Variants in TTC34 observed in about 807,000 individuals in gnomAD.
TTC34 encodes tetratricopeptide repeat domain 34.
Under a neutral mutation model 40.7 loss-of-function variants are expected in TTC34, and 44 were observed. The ratio of observed to expected loss-of-function variants is 1.08; its 90% confidence interval spans 0.85 to 1.39. TTC34 has a LOEUF of 1.39. TTC34 is among the 40% of genes most tolerant of loss of function. The pLI is 0.00. For missense variants in TTC34, 884 were observed against 838.0 expected (o/e 1.05, Z -0.68); for synonymous variants, 422 against 398.6 (o/e 1.06, Z -0.70).
At chr1:2,752,313 C>T (rs1487643373) in intron 6 of TTC34, among the ~76,000 whole-genome samples, 1 of 16,396 alleles carries the variant, frequency 6.1e-5, no homozygotes, top group Non-Finnish European at 1.7e-4. Flanking sequence ...ATCTGACAGC[C>T]TGGAACAGCA....
intron 6 of TTC34, among the ~76,000 whole-genome samples, chr1:2,686,772 AGCATGTG>A: frequency 7.1e-6 from 1 of 139,982 alleles, no homozygotes; most frequent in Middle Eastern, 3.8e-3. Flanking sequence ...CCCCCAGGTG[AGCATGTG>A]ACAGCCTGGA....
At position 2,751,126 on chromosome 1, in the gene TTC34, A is replaced by T. The variant is rs1465731142; in HGVS notation, c.2226+32483T>A. The stretch of plus-strand genomic sequence containing the variant: ...CTGACAGCCTGGAACAGCACCCTGT[A>T]CCCCCAGGGGAGCATCTGACACCCT... On this transcript the variant is annotated intron_variant, in intron 6 of 8. Transcript: ENST00000401095. 3.1e-5 allele frequency among the ~76,000 whole-genome samples: 3 copies of T among 96,814 alleles called. 1 individual carries two copies. Among genetic ancestry groups the T allele is most frequent in the African/African-American group, 1.5e-4 (3 of 20,116 alleles). 63.5% of individuals were successfully genotyped at this position (96,814 alleles called of 152,430 possible).
At chr1:2,791,059 G>T (rs975898976) in intron 2 of TTC34, among the ~76,000 whole-genome samples, 1 of 152,206 alleles carries the variant, frequency 6.6e-6, no homozygotes, top group African/African-American at 2.4e-5. Flanking sequence ...CCTGGAAGGG[G>T]CCTGGTGCAT....
In TTC34 at chr1:2,750,446, C is replaced by A. The variant is rs1641278780; in HGVS notation, c.2226+33163G>T. ...GACAGCCTGTAACAGCACCCACACA[C>A]CCAGGCGAGTATCTGACGGCCTGGA... On this transcript the variant is annotated intron_variant, in intron 6 of 8. Transcript: ENST00000401095. Among the ~76,000 whole-genome samples the A allele has an allele frequency of 1.8e-5, 2 of 113,230 alleles. 1 individual carries two copies. Among genetic ancestry groups the A allele is most frequent in the East Asian group, 6.3e-4 (2 of 3,184 alleles). 74.3% of individuals were successfully genotyped at this position (113,230 alleles called of 152,430 possible). A position where few individuals can be genotyped will look rare whatever the true frequency, so the allele number is the denominator to read the frequency against.
intron 6 of TTC34, among the ~76,000 whole-genome samples, chr1:2,695,080 G>T (rs1437058899): frequency 1.4e-5 from 2 of 148,006 alleles, no homozygotes; most frequent in African/African-American, 4.9e-5. Context: ...ACACCCCCAG[G>T]CGAGCATCTG....
At chr1:2,685,147 C>A in intron 6 of TTC34, among the ~76,000 whole-genome samples, 1 of 139,982 alleles carries the variant, frequency 7.1e-6, no homozygotes, top group Middle Eastern at 3.7e-3. Flanking sequence ...CGGCCTGGAA[C>A]AGCACCCACA....
intron 2 of TTC34, among the ~76,000 whole-genome samples, chr1:2,799,261 C>T (rs923833414): frequency 5.9e-5 from 9 of 152,158 alleles, no homozygotes; most frequent in East Asian, 1.9e-4. Flanking sequence ...GCAGATCAGG[C>T]GCCGGGCGCG....
intron 6 of TTC34, among the ~76,000 whole-genome samples, chr1:2,749,085 C>T (rs1330094028): frequency 1.5e-3 from 159 of 108,854 alleles, no homozygotes; most frequent in Middle Eastern, 5.3e-3. Context: ...CCCACAACCC[C>T]AGGCGAGCAT....
chr1:2,655,095 C>T (rs1257682514), intron 6 of TTC34, among the ~76,000 whole-genome samples: 1 of 144,596 alleles, frequency 6.9e-6, no homozygotes, highest in Non-Finnish European at 1.5e-5. Context: ...CAACCACACC[C>T]CCAGGTGAGC....
At chr1:2,799,582 C>T (rs1643751282) in intron 2 of TTC34, among the ~76,000 whole-genome samples, 1 of 152,168 alleles carries the variant, frequency 6.6e-6, no homozygotes. Flanking sequence ...CACTCCACAG[C>T]TCAGCCTCAC....
chr1:2,760,525 C>A (rs1181910416), intron 6 of TTC34, among the ~76,000 whole-genome samples: 2 of 47,002 alleles, frequency 4.3e-5, no homozygotes, highest in African/African-American at 6.3e-4. Flanking sequence ...GCACCCACAC[C>A]CCCAGGTGAG....
chr1:2,698,689 C>A (rs1458403835), intron 6 of TTC34, among the ~76,000 whole-genome samples: 1 of 123,112 alleles, frequency 8.1e-6, no homozygotes, highest in Non-Finnish European at 1.7e-5. Flanking sequence ...CACCCACACC[C>A]CCAGGTGAGC....
chr1:2,789,615 CCACCAGCAG>C, exon 3 of TTC34: 1 of 1,382,074 alleles, frequency 7.2e-7, no homozygotes, highest in Non-Finnish European at 9.3e-7. Context: ...TCCCGCAGCA[CCACCAGCAG>C]CAGCCCCCGC....
chr1:2,795,013 A>T (rs1435066108), intron 2 of TTC34, among the ~76,000 whole-genome samples: 1 of 152,116 alleles, frequency 6.6e-6, no homozygotes, highest in Non-Finnish European at 1.5e-5. Context: ...ATTCCTGCAT[A>T]ACCATCCACT....
At chr1:2,638,227 C>A (rs1168251018) in exon 9 of TTC34, 1 of 152,164 alleles carries the variant, frequency 6.6e-6, no homozygotes, top group Admixed American at 6.5e-5. Flanking sequence ...ACCACTTTCA[C>A]ACCAAAATGC....
chr1:2,682,054 C>A (rs1406572622), intron 6 of TTC34, among the ~76,000 whole-genome samples: 1 of 88,462 alleles, frequency 1.1e-5, no homozygotes, highest in Non-Finnish European at 2.3e-5. Context: ...CATTGTGGAG[C>A]AGCACCCCAC....
chr1:2,754,733 C>T (rs1641446538), intron 6 of TTC34, among the ~76,000 whole-genome samples: 7 of 148,764 alleles, frequency 4.7e-5, no homozygotes, highest in Non-Finnish European at 1.0e-4. Context: ...GGAGCAGCAC[C>T]CACACCCCCA....
chr1:2,787,246 C>T (rs1643602317), intron 4 of TTC34, among the ~76,000 whole-genome samples: 1 of 152,182 alleles, frequency 6.6e-6, no homozygotes, highest in African/African-American at 2.4e-5. Context: ...ACTGCCGGCC[C>T]CGGGGACCTG....
At chr1:2,685,123 A>G (rs1640268010) in intron 6 of TTC34, among the ~76,000 whole-genome samples, 1 of 140,200 alleles carries the variant, frequency 7.1e-6, no homozygotes, top group East Asian at 2.1e-4. Flanking sequence ...CCACACCCCC[A>G]GGCGAGCATC....
Sources: allele counts gnomAD v4.1 joint callset (sites outside exome capture counted in the v4.1 genomes callset), GRCh38; gene constraint gnomAD v4.1.1; transcripts MANE v1.5; gene names NCBI Gene and HGNC (gene_info 2026-07-23, HGNC 2026-07-21).